The following EML1 variants were observed in gnomAD, a reference collection of about 807,000 sequenced individuals.
The protein encoded by EML1 is echinoderm microtubule-associated protein-like 1.
A neutral mutation model predicts 110.4 loss-of-function variants in EML1; 27 were observed. That is an observed-to-expected ratio of 0.24 (90% confidence interval 0.18 to 0.34). The LOEUF is 0.34. EML1 is among the 10% of genes least tolerant of loss of function. The pLI is 1.00. For missense variants in EML1, 741 were observed against 1,030.9 expected (o/e 0.72, Z 3.85); for synonymous variants, 344 against 385.8 (o/e 0.89, Z 1.27).
chr14:99,894,432 T>C (rs2059638939), intron 5 of EML1, 197 bp from the exon 6 acceptor site: 1 of 524,946 alleles, frequency 1.9e-6, no homozygotes, highest in African/African-American at 2.0e-5. Context: ...GTAAACAGAA[T>C]ATCAAAAGCA....
chr14:99,765,513 T>C (rs76413248), intron 1 of EML1, among the ~76,000 whole-genome samples: 113 of 152,288 alleles, frequency 7.4e-4, no homozygotes, highest in Middle Eastern at 6.8e-3. Flanking sequence ...CATTTATATA[T>C]CCTCAAGTCA....
At chr14:99,800,544 T>C (rs952264446) in intron 1 of EML1, among the ~76,000 whole-genome samples, 4 of 152,084 alleles carry the variant, frequency 2.6e-5, no homozygotes, top group African/African-American at 7.2e-5. Flanking sequence ...AAAAAAATTT[T>C]TTAGAGATGC....
intron 1 of EML1, among the ~76,000 whole-genome samples, chr14:99,751,806 G>A (rs770828601): frequency 1.7e-4 from 26 of 152,074 alleles, no homozygotes; most frequent in Non-Finnish European, 3.1e-4. Context: ...GGCGGAAGAC[G>A]AGCTTAGACA....
intron 4 of EML1, among the ~76,000 whole-genome samples, chr14:99,890,508 T>A (rs985647618): frequency 6.6e-6 from 1 of 152,124 alleles, no homozygotes; most frequent in Non-Finnish European, 1.5e-5. Flanking sequence ...AAGTTTCTCC[T>A]GTGAGGTGCT....
intron 5 of EML1, among the ~76,000 whole-genome samples, chr14:99,891,494 G>A (rs1475821328): frequency 3.3e-5 from 5 of 152,204 alleles, no homozygotes; most frequent in Non-Finnish European, 5.9e-5. Context: ...AGAGTGGAAT[G>A]CCACCACCTA....
At chr14:99,786,319 T>C (rs997443225) in intron 1 of EML1, among the ~76,000 whole-genome samples, 10 of 152,216 alleles carry the variant, frequency 6.6e-5, no homozygotes, top group African/African-American at 2.2e-4. Context: ...CTGGAGAAGA[T>C]GTGTGTTCTC....
intron 1 of EML1, among the ~76,000 whole-genome samples, chr14:99,833,168 A>C (rs771907306): frequency 9.2e-5 from 14 of 152,218 alleles, no homozygotes; most frequent in South Asian, 8.3e-4. Context: ...ATCCATTTTG[A>C]ATTAATTTTT....
chr14:99,746,377 A>G (rs1332919502), intron 1 of EML1, among the ~76,000 whole-genome samples: 1 of 152,002 alleles, frequency 6.6e-6, no homozygotes, highest in Non-Finnish European at 1.5e-5. Context: ...TTTCGGGAGG[A>G]GGGAGAGGTC....
chr14:99,751,720 C>T (rs546700070), intron 1 of EML1, among the ~76,000 whole-genome samples: 2 of 152,076 alleles, frequency 1.3e-5, no homozygotes, highest in East Asian at 3.9e-4. Context: ...GGTGCAAAGG[C>T]CCTGAGTTGA....
At chr14:99,744,150 A>C (rs569422305) in intron 1 of EML1, among the ~76,000 whole-genome samples, 1 of 152,204 alleles carries the variant, frequency 6.6e-6, no homozygotes, top group East Asian at 1.9e-4. Flanking sequence ...CTCTTTTTTT[A>C]CATAAGTCAG....
rs530161333 is a variant in EML1 at position 99,924,572 on chromosome 14, C to T, written c.1909+3695C>T. Among the ~76,000 whole-genome samples, 18 of 152,204 alleles carry T rather than the reference C, an allele frequency of 1.2e-4. No individual in the cohort carries two copies. In the South Asian group the frequency reaches 3.3e-3, roughly 28 times the overall value. On this transcript the variant is annotated intron_variant, in intron 17 of 21. Coordinates refer to ENST00000262233, the MANE Select transcript of EML1 (RefSeq NM_004434.3). ...TTCTCTTTCAGAATACTGTATTATA[C>T]GTAATATTTGCAGACCACAATTGAC...
intron 1 of EML1, among the ~76,000 whole-genome samples, chr14:99,842,041 A>G (rs918482527): frequency 6.6e-6 from 1 of 152,122 alleles, no homozygotes; most frequent in African/African-American, 2.4e-5. Context: ...AACTTGGGGG[A>G]AAAAAAGCTA....
chr14:99,916,054 A>G (rs1051658581), intron 15 of EML1, among the ~76,000 whole-genome samples: 2 of 152,216 alleles, frequency 1.3e-5, no homozygotes, highest in Non-Finnish European at 2.9e-5. Flanking sequence ...ACAGTGTTAT[A>G]TGTTCTACCT....
chr14:99,936,199 A>C lies in EML1; in HGVS notation c.2008-48A>C. On this transcript the variant is annotated intron_variant, in intron 18 of 21. Coordinates refer to ENST00000262233, the MANE Select transcript of EML1 (RefSeq NM_004434.3). This position sits in a 1 kb window ranked among gnomAD's most constrained non-coding sequence, Gnocchi z 5.5. The stretch of plus-strand genomic sequence containing the variant: ...TTAACTACCGTGGAACAGTGTTGGC[A>C]GGGACTTCTAAGGCCAATGAAATGA... 6.2e-7 allele frequency: 1 copy of C among 1,612,660 alleles called. No homozygotes were observed.
At chr14:99,869,141 G>A (rs756134363) in intron 3 of EML1, among the ~76,000 whole-genome samples, 1 of 152,104 alleles carries the variant, frequency 6.6e-6, no homozygotes, top group Non-Finnish European at 1.5e-5. Flanking sequence ...TATTGTGTCT[G>A]GCTTTATTGT....
chr14:99,939,749 A>G lies in EML1; in HGVS notation c.2323-238A>G, dbSNP rs576128857. Among the ~76,000 whole-genome samples, 2 of 152,126 alleles carry G rather than the reference A, an allele frequency of 1.3e-5. No individual in the cohort carries two copies. The highest frequency in any genetic ancestry group is 4.2e-4 in the South Asian group (2 of 4,804). ...ATACCTGGCACCTCTGATACTGAGC[A>G]TATCTCTCGGCTGAGGGCGGTCATT... On this transcript the variant is annotated intron_variant, in intron 21 of 21. Transcript: ENST00000262233. This position sits in a 1 kb window ranked among gnomAD's most constrained non-coding sequence, Gnocchi z 4.2.
At chr14:99,803,510 A>G (rs1365464435) in intron 1 of EML1, among the ~76,000 whole-genome samples, 1 of 152,228 alleles carries the variant, frequency 6.6e-6, no homozygotes, top group Non-Finnish European at 1.5e-5. Context: ...GAACCCAGAA[A>G]CATATGAATG....
At chr14:99,901,323 G>T (rs2059760033) in intron 9 of EML1, among the ~76,000 whole-genome samples, 1 of 152,110 alleles carries the variant, frequency 6.6e-6, no homozygotes. Flanking sequence ...GGCAGTTTAT[G>T]TGCTCTGGCC....
At chr14:99,818,073 A>C (rs1326705131) in intron 1 of EML1, among the ~76,000 whole-genome samples, 1 of 152,094 alleles carries the variant, frequency 6.6e-6, no homozygotes, top group Admixed American at 6.5e-5. Context: ...GTGTTCAAGA[A>C]ACCACAAATA....
Sources: allele counts gnomAD v4.1 joint callset (sites outside exome capture counted in the v4.1 genomes callset), GRCh38; gene constraint gnomAD v4.1.1; non-coding constraint Gnocchi (gnomAD v3.1); transcripts MANE v1.5; gene names NCBI Gene and HGNC (gene_info 2026-07-23, HGNC 2026-07-21).